LAMA4: variants seen among roughly 807,000 people sequenced by gnomAD.
The protein encoded by LAMA4 is laminin subunit alpha 4.
A neutral mutation model predicts 207.1 loss-of-function variants in LAMA4; 127 were observed. The ratio of observed to expected loss-of-function variants is 0.61; its 90% CI spans 0.53 to 0.71. The LOEUF (loss-of-function observed/expected upper bound fraction) is 0.71, where lower values mean the gene tolerates loss of function less well. Among genes scored for constraint, LAMA4 ranks in the 30% least tolerant of loss-of-function variants. The pLI, the probability that LAMA4 is intolerant of heterozygous loss-of-function variation, is 0.00. For missense variants in LAMA4, 2,093 were observed against 2,246.5 expected (o/e 0.93, Z 1.38); for synonymous variants, 761 against 816.0 (o/e 0.93, Z 1.15).
rs1554346353 is a variant in LAMA4 at position 112,185,324 on chromosome 6, G to A, written c.990C>T (p.Asn330=). The change falls in exon 9 of 39, where the codon AAC becomes AAT. Residue 330 remains asparagine, a synonymous_variant. Coordinates refer to ENST00000230538, the MANE Select transcript of LAMA4 (RefSeq NM_001105206.3). ...LLKTKLSERE[N]QYALRKIQIN... The stretch of plus-strand genomic sequence containing the variant: ...TTTGTATCTTTCTTAGGGCGTATTG[G>A]TTTTCTCTTTCTGACAATTTTGTCT... 6.2e-7 allele frequency: 1 copy of A among 1,611,828 alleles called. No homozygotes were observed. The highest frequency in any genetic ancestry group is 8.5e-7 in the Non-Finnish European group (1 of 1,177,930).
rs1779339422 is a variant in LAMA4, at chr6:112,136,268, G to T, written c.3283-14C>A. 1 of 1,602,484 alleles carries T rather than the reference G, an allele frequency of 6.2e-7. No homozygotes were observed. Among genetic ancestry groups the T allele is most frequent in the East Asian group, 2.2e-5 (1 of 44,744 alleles). On this transcript the variant is annotated splice_polypyrimidine_tract_variant and intron_variant, in intron 24 of 38. Coordinates refer to ENST00000230538, the MANE Select transcript of LAMA4 (RefSeq NM_001105206.3). ...GAAAAACATACTCTGAGGAGAGAAA[G>T]GAATTGTAAGATAGGAACATCTGTT...
intron 2 of LAMA4, among the ~76,000 whole-genome samples, chr6:112,223,311 G>A (rs1554361209): frequency 2.0e-5 from 3 of 152,168 alleles, no homozygotes; most frequent in Admixed American, 6.5e-5. Context: ...TAGAGAGAAA[G>A]GACTTCAGAA....
chr6:112,250,692 T>A (rs1042253632), intron 2 of LAMA4, among the ~76,000 whole-genome samples: 2 of 152,214 alleles, frequency 1.3e-5, no homozygotes, highest in Non-Finnish European at 2.9e-5. Context: ...CTTCTCAGTT[T>A]CTCAGTCTCT....
intron 35 of LAMA4, among the ~76,000 whole-genome samples, chr6:112,116,358 T>C (rs1778017753): frequency 6.6e-6 from 1 of 152,088 alleles, no homozygotes; most frequent in South Asian, 2.1e-4. Flanking sequence ...GTACAGAGGC[T>C]GGAATGCTTG....
chr6:112,175,105 G>A (rs1455054378), intron 11 of LAMA4, among the ~76,000 whole-genome samples: 1 of 152,136 alleles, frequency 6.6e-6, no homozygotes, highest in Non-Finnish European at 1.5e-5. Context: ...TTTCTCAGGG[G>A]CTCAGAATTG....
intron 12 of LAMA4, among the ~76,000 whole-genome samples, chr6:112,171,244 A>C (rs1562690307): frequency 6.6e-6 from 1 of 151,642 alleles, no homozygotes; most frequent in Non-Finnish European, 1.5e-5. Context: ...TACTGGTTAC[A>C]ACCCATGAAA....
chr6:112,216,969 G>A (rs1484644701), intron 2 of LAMA4, among the ~76,000 whole-genome samples: 1 of 152,162 alleles, frequency 6.6e-6, no homozygotes, highest in Non-Finnish European at 1.5e-5. Flanking sequence ...GTTCTTAAAA[G>A]CATCTGTTTC....
chr6:112,157,221 A>G (rs1489779500), intron 14 of LAMA4, among the ~76,000 whole-genome samples: 1 of 152,220 alleles, frequency 6.6e-6, no homozygotes, highest in African/African-American at 2.4e-5. Flanking sequence ...CAAAAGAAAC[A>G]AAATGTTACA....
At chr6:112,156,651 A>G (rs1562672587) in intron 14 of LAMA4, among the ~76,000 whole-genome samples, 3 of 152,078 alleles carry the variant, frequency 2.0e-5, no homozygotes, top group South Asian at 2.1e-4. Flanking sequence ...GATGATTAGT[A>G]TCATCACCTC....
intron 29 of LAMA4, chr6:112,130,300 T>TTGTGTGTGTGTGTGTGTG (rs35563593): frequency 1.6e-4 from 62 of 382,120 alleles, no homozygotes; most frequent in Non-Finnish European, 1.7e-4. Context: ...AGCATTATTT[T>TTGTGTGTGTGTGTGTGTG]TGTGTGTGTG....
intron 2 of LAMA4, among the ~76,000 whole-genome samples, chr6:112,233,683 G>A (rs2114284143): frequency 6.6e-6 from 1 of 152,286 alleles, no homozygotes; most frequent in African/African-American, 2.4e-5. Context: ...GGAAAGCTGA[G>A]GCTGAAAGAA....
At chr6:112,233,037 T>C (rs1482552124) in intron 2 of LAMA4, among the ~76,000 whole-genome samples, 5 of 152,210 alleles carry the variant, frequency 3.3e-5, no homozygotes, top group South Asian at 2.1e-4. Context: ...TGAAAGTGCA[T>C]AGTCAATTTT....
At chr6:112,195,744 G>C (rs1783376534) in intron 5 of LAMA4, among the ~76,000 whole-genome samples, 1 of 152,164 alleles carries the variant, frequency 6.6e-6, no homozygotes, top group Non-Finnish European at 1.5e-5. Flanking sequence ...ATGCATGAAA[G>C]TATACTATTA....
intron 6 of LAMA4, 95 bp from the exon 7 acceptor site, chr6:112,189,300 G>A (rs191368043): frequency 1.5e-4 from 123 of 809,006 alleles, no homozygotes; most frequent in Admixed American, 1.1e-3. Context: ...AGCTATCAGT[G>A]TATAATTCAT....
chr6:112,163,710 C>A (rs1400050573), intron 13 of LAMA4, among the ~76,000 whole-genome samples: 1 of 152,054 alleles, frequency 6.6e-6, no homozygotes, highest in African/African-American at 2.4e-5. Flanking sequence ...TGAAGCTGAG[C>A]AGAATGGTAG....
chr6:112,154,399 T>C (rs1780578314), intron 16 of LAMA4, among the ~76,000 whole-genome samples: 1 of 151,702 alleles, frequency 6.6e-6, no homozygotes, highest in South Asian at 2.1e-4. Flanking sequence ...CCAGATGGCT[T>C]TGTGGTACCC....
intron 2 of LAMA4, chr6:112,218,393 T>C (rs551922724): frequency 6.6e-6 from 1 of 152,338 alleles, no homozygotes; most frequent in South Asian, 2.1e-4. Context: ...CCCCAAAGAC[T>C]CTGATATTTG....
chr6:112,121,970 C>T, intron 32 of LAMA4, 44 bp downstream of exon 32: 1 of 1,540,692 alleles, frequency 6.5e-7, no homozygotes, highest in Non-Finnish European at 9.0e-7. Flanking sequence ...AGATGGAGCC[C>T]AGCCATGTCA....
chr6:112,123,331 G>A (rs1778488073), intron 31 of LAMA4, among the ~76,000 whole-genome samples: 1 of 152,170 alleles, frequency 6.6e-6, no homozygotes, highest in African/African-American at 2.4e-5. Flanking sequence ...GATAAGAAAA[G>A]TTCTGGTTGA....
Sources: gnomAD v4.1 joint callset for allele counts (sites outside exome capture counted in the v4.1 genomes callset) on GRCh38, gnomAD v4.1.1 for gene constraint, MANE v1.5 for transcripts, NCBI Gene and HGNC (gene_info 2026-07-23, HGNC 2026-07-21) for gene names.